KIF15: variants seen among roughly 807,000 people sequenced by gnomAD.
KIF15 encodes kinesin family member 15.
Under a neutral mutation model 190.6 loss-of-function variants are expected in KIF15, and 140 were observed. The ratio of observed to expected loss-of-function variants is 0.73; its 90% CI spans 0.64 to 0.84. The LOEUF (loss-of-function observed/expected upper bound fraction) is 0.84. KIF15 is among the 40% of genes least tolerant of loss of function. KIF15 has a pLI of 0.00. For missense variants in KIF15, 1,372 were observed against 1,584.4 expected (o/e 0.87, Z 2.28); for synonymous variants, 528 against 551.3 (o/e 0.96, Z 0.59).
intron 20 of KIF15, among the ~76,000 whole-genome samples, chr3:44,817,583 C>G (rs1708083373): frequency 6.6e-6 from 1 of 152,184 alleles, no homozygotes; most frequent in Non-Finnish European, 1.5e-5. Flanking sequence ...GACCTATGTT[C>G]TGTTCCGTTG....
chr3:44,865,577 T>G (rs1699312550), intron 6 of KIF15: 1 of 206,682 alleles, frequency 4.8e-6, no homozygotes, highest in Non-Finnish European at 1.0e-5. Context: ...AGTTCCATGC[T>G]GATGTATCAG....
chr3:44,819,821 A>G (rs891370154), intron 20 of KIF15, among the ~76,000 whole-genome samples: 6 of 152,184 alleles, frequency 3.9e-5, no homozygotes, highest in Non-Finnish European at 7.3e-5. Context: ...TGTCTCATTC[A>G]TCTGTCTAAT....
intron 1 of KIF15, among the ~76,000 whole-genome samples, chr3:44,762,239 A>G (rs1705183335): frequency 6.6e-6 from 1 of 152,202 alleles, no homozygotes; most frequent in Admixed American, 6.5e-5. Flanking sequence ...TCCTTGTCTC[A>G]GGATCGGCTT....
At chr3:44,811,651 AAAAG>A (rs1294370524) in intron 17 of KIF15, among the ~76,000 whole-genome samples, 3 of 152,384 alleles carry the variant, frequency 2.0e-5, no homozygotes, top group East Asian at 1.9e-4. Flanking sequence ...GTCTCAAAAA[AAAAG>A]AAAGTTAAAA....
chr3:44,779,339 C>T (rs1706057384), intron 4 of KIF15, among the ~76,000 whole-genome samples: 2 of 152,142 alleles, frequency 1.3e-5, no homozygotes, highest in African/African-American at 4.8e-5. Flanking sequence ...TATTTAGAAA[C>T]CAAGATCTGG....
At position 44,851,972 on chromosome 3, in the gene KIF15, T is replaced by C; in HGVS notation, c.3972+20T>C. ...TCCCAGGTGTGCTAGTGTGTTGGTGTTTTCATGATACTTAGAACACTCAAA... is the reference window on the plus strand; with the variant it reads ...TCCCAGGTGTGCTAGTGTGTTGGTGCTTTCATGATACTTAGAACACTCAAA... On this transcript the variant is annotated intron_variant, in intron 33 of 34. Transcript: ENST00000326047. The C allele has an allele frequency of 2.5e-6, 4 of 1,603,048 alleles. No individual in the cohort carries two copies. The highest frequency in any genetic ancestry group is 3.4e-6 in the Non-Finnish European group (4 of 1,175,184).
intron 7 of KIF15, among the ~76,000 whole-genome samples, chr3:44,791,659 T>C (rs763639724): frequency 6.6e-6 from 1 of 152,234 alleles, no homozygotes; most frequent in Non-Finnish European, 1.5e-5. Context: ...CAAACATGCT[T>C]GTATTTGCTT....
At chr3:44,835,731 G>C (rs140082173) in intron 26 of KIF15, among the ~76,000 whole-genome samples, 4 of 152,316 alleles carry the variant, frequency 2.6e-5, no homozygotes, top group African/African-American at 9.6e-5. Flanking sequence ...ATAGAGAGCA[G>C]TGAATATGAA....
intron 10 of KIF15, chr3:44,799,243 A>T (rs1163642779): frequency 2.2e-6 from 1 of 456,736 alleles, no homozygotes. Flanking sequence ...ATGGCTGCTT[A>T]ACACACAAAA....
chr3:44,854,868 T>A (rs1390122091), downstream of KIF15, among the ~76,000 whole-genome samples: 1 of 152,198 alleles, frequency 6.6e-6, no homozygotes, highest in Non-Finnish European at 1.5e-5. Flanking sequence ...TCATATTGGA[T>A]TAGAGCCTAC....
In KIF15 at chr3:44,797,582, G is replaced by A. The variant is rs921949094; in HGVS notation, c.881G>A (p.Cys294Tyr). The A allele has an allele frequency of 6.2e-7, 1 of 1,614,072 alleles. No homozygotes were observed. Among genetic ancestry groups the A allele is most frequent in the Non-Finnish European group, 8.5e-7 (1 of 1,179,986 alleles). The change falls in exon 9 of 35, where the codon TGC (cysteine) becomes TAC (tyrosine). Residue 294 changes from cysteine (C) to tyrosine (Y), a missense_variant. Physicochemically the swap from Cys to Tyr is radical, Grantham distance 194. Transcript: ENST00000326047. ...GGTAACATAAATCGATCATTGAGCT[G>A]CCTGGGCCAAGTGATTACAGCACTT... ...EAGNINRSLS[C>Y]LGQVITALVD...
In KIF15 at chr3:44,852,835, G is replaced by A; in HGVS notation, c.*100G>A. 1.1e-6 allele frequency: 1 copy of A among 877,170 alleles called. No homozygotes were observed. Among genetic ancestry groups the A allele is most frequent in the Non-Finnish European group, 1.8e-6 (1 of 569,696 alleles). The allele number at this position is 877,170 out of a possible 1,614,324, so 54.3% of individuals were successfully genotyped here. On this transcript the variant is annotated 3_prime_UTR_variant, in exon 35 of 35. Transcript: ENST00000326047. ...GGCCACTTAGGAGAGCTGAATTTATGGACCTTAATTATTAAATGTTTATAA... is the reference window on the plus strand; with the variant it reads ...GGCCACTTAGGAGAGCTGAATTTATAGACCTTAATTATTAAATGTTTATAA...
Position 44,797,604 on chromosome 3 carries a change from A to T in KIF15, c.903A>T (p.Ala301=). 6.2e-7 allele frequency: 1 copy of T among 1,614,100 alleles called. No individual in the cohort carries two copies. Among genetic ancestry groups the T allele is most frequent in the East Asian group, 2.2e-5 (1 of 44,886 alleles). The change falls in exon 9 of 35, where the codon GCA becomes GCT. Residue 301 remains alanine, a synonymous_variant. Transcript: ENST00000326047. ...GCTGCCTGGGCCAAGTGATTACAGC[A>T]CTTGTCGACGTGGGTAATGGAAAAC... The part of the protein sequence containing the change: ...SLSCLGQVIT[A]LVDVGNGKQR...
chr3:44,834,784 T>C (rs1396325404), intron 26 of KIF15, among the ~76,000 whole-genome samples: 2 of 149,136 alleles, frequency 1.3e-5, no homozygotes, highest in Non-Finnish European at 3.0e-5. Context: ...AAAAAAAAAA[T>C]TACCTGGGCG....
intron 8 of KIF15, among the ~76,000 whole-genome samples, chr3:44,794,707 A>G (rs1706887684): frequency 6.6e-6 from 1 of 152,158 alleles, no homozygotes; most frequent in Admixed American, 6.5e-5. Flanking sequence ...CACACCTGTA[A>G]TCCCAGCACT....
intron 17 of KIF15, among the ~76,000 whole-genome samples, chr3:44,811,427 C>T (rs879607541): frequency 1.3e-5 from 2 of 152,196 alleles, no homozygotes; most frequent in African/African-American, 2.4e-5. Context: ...AGGCATATCA[C>T]GTGAGATCAA....
chr3:44,842,331 G>A (rs940201760), intron 29 of KIF15, among the ~76,000 whole-genome samples: 3 of 152,104 alleles, frequency 2.0e-5, no homozygotes, highest in African/African-American at 4.8e-5. Flanking sequence ...ATGGCTCAGG[G>A]GTGGGGCACA....
intron 1 of KIF15, among the ~76,000 whole-genome samples, chr3:44,770,664 T>C (rs1575574226): frequency 6.6e-6 from 1 of 152,220 alleles, no homozygotes. Flanking sequence ...TTGTGTCCTG[T>C]TGCAAAGAAA....
rs890504163 is a variant in KIF15 at position 44,862,054 on chromosome 3, C to A, written c.*59+9260C>A. On this transcript the variant is annotated intron_variant and NMD_transcript_variant, in intron 6 of 6. Coordinates refer to the KIF15 transcript ENST00000422209. ...CCGCTTTTGGGGCGTATTCAACTGTCTGTGCGCCGGCGCGTTCGGGGCCCT... is the reference window on the plus strand; with the variant it reads ...CCGCTTTTGGGGCGTATTCAACTGTATGTGCGCCGGCGCGTTCGGGGCCCT... The A allele has an allele frequency of 9.3e-6, 12 of 1,296,030 alleles. No homozygotes were observed. In the African/African-American group the frequency reaches 1.8e-4, roughly 20 times the overall value. The allele number at this position is 1,296,030 out of a possible 1,614,324, so 80.3% of individuals were successfully genotyped here. A position where few individuals can be genotyped will look rare whatever the true frequency, so the allele number is the denominator to read the frequency against.
Sources: allele counts gnomAD v4.1 joint callset (sites outside exome capture counted in the v4.1 genomes callset), GRCh38; gene constraint gnomAD v4.1.1; transcripts MANE v1.5; gene names NCBI Gene and HGNC (gene_info 2026-07-23, HGNC 2026-07-21).